The following ZNF782 variants were observed in gnomAD, a reference collection of about 807,000 sequenced individuals.
ZNF782 encodes zinc finger protein 782.
ZNF782 carries 12 observed loss-of-function variants against 13.0 expected under a neutral mutation model. The observed-to-expected ratio is 0.92, with a 90% CI of 0.59 to 1.50. The LOEUF is 1.50. Ranked by LOEUF, ZNF782 falls within the 40% of genes most tolerant of loss-of-function variation. The probability of loss-of-function intolerance (pLI) is 0.00; values close to 1 mark genes in which losing one functional copy is unlikely to be tolerated. For synonymous variants in ZNF782, 284 were observed against 283.0 expected (o/e 1.00, Z -0.04); for missense variants, 770 against 822.9 (o/e 0.94, Z 0.79).
At chr9:96,922,658 CA>C in the ZNF782 span, among the ~76,000 whole-genome samples, 3 of 151,152 alleles carry the variant, frequency 2.0e-5, no homozygotes, top group Admixed American at 2.0e-4. Context: ...CCTGTAGTCC[CA>C]GCTACTCGGG....
intron 4 of ZNF782, among the ~76,000 whole-genome samples, chr9:96,841,229 A>G (rs1219969961): frequency 6.6e-6 from 1 of 151,990 alleles, no homozygotes; most frequent in Non-Finnish European, 1.5e-5. Flanking sequence ...ATCCATATAT[A>G]TGACTTAAAT....
chr9:96,839,002 C>T (rs941567915), intron 4 of ZNF782, among the ~76,000 whole-genome samples: 1 of 152,140 alleles, frequency 6.6e-6, no homozygotes, highest in East Asian at 1.9e-4. Context: ...TCGTGAGCCA[C>T]AGCGCCTGGC....
chr9:96,929,023 G>A, the ZNF782 span: 1 of 1,610,436 alleles, frequency 6.2e-7, no homozygotes, highest in Non-Finnish European at 8.5e-7. Flanking sequence ...CAGCCTGAGG[G>A]GATGGCTTCA....
the ZNF782 span, among the ~76,000 whole-genome samples, chr9:96,881,115 CCT>C: frequency 0.015 from 2,330 of 152,056 alleles, 48 homozygotes; most frequent in African/African-American, 0.044. Flanking sequence ...AGTTAGAACC[CCT>C]GTTTTCTGCC....
At chr9:96,931,041 C>A in the ZNF782 span, among the ~76,000 whole-genome samples, 1 of 151,732 alleles carries the variant, frequency 6.6e-6, no homozygotes, top group Non-Finnish European at 1.5e-5. Flanking sequence ...ATTACAGGCA[C>A]GCATCATCAG....
chr9:96,913,690 T>C, the ZNF782 span, among the ~76,000 whole-genome samples: 3 of 151,796 alleles, frequency 2.0e-5, no homozygotes, highest in African/African-American at 7.3e-5. Flanking sequence ...ACCTAGCTAA[T>C]TTTTGTAATT....
At chr9:96,918,019 C>T in the ZNF782 span, among the ~76,000 whole-genome samples, 5 of 148,598 alleles carry the variant, frequency 3.4e-5, no homozygotes, top group Non-Finnish European at 6.0e-5. Context: ...TGGGATTGTA[C>T]GTATGGGCCA....
the ZNF782 span, among the ~76,000 whole-genome samples, chr9:96,914,451 T>C: frequency 6.6e-6 from 1 of 151,926 alleles, no homozygotes; most frequent in African/African-American, 2.4e-5. Flanking sequence ...AATCCGCACA[T>C]AATTTATGCT....
rs144270837 is a variant in ZNF782, at chr9:96,853,270, G to C, written c.-261-201C>G. Among the ~76,000 whole-genome samples the C allele has an allele frequency of 2.1e-4, 32 of 152,252 alleles. No homozygotes were observed. In the East Asian group the frequency reaches 6.2e-3, roughly 29 times the overall value. On this transcript the variant is annotated intron_variant, in intron 1 of 5. Transcript: ENST00000481138. ...CACCCATTGTGTGGTGGCTTCTGGA[G>C]GCTTCACCAAGTCTGGCTCATTCTG... is the stretch of plus-strand genomic sequence containing the variant.
At chr9:96,879,352 A>G (rs983532331), upstream of ZNF782, among the ~76,000 whole-genome samples, 1 of 152,070 alleles carries the variant, frequency 6.6e-6, no homozygotes, top group Non-Finnish European at 1.5e-5. Flanking sequence ...AACAACAAAA[A>G]ATTAGCCGTG....
chr9:96,867,204 G>A (rs1851766304), intron 1 of ZNF782, among the ~76,000 whole-genome samples: 1 of 152,136 alleles, frequency 6.6e-6, no homozygotes, highest in African/African-American at 2.4e-5. Flanking sequence ...GAATTTCCAC[G>A]TGTTGTGGGA....
At chr9:96,910,908 T>G in the ZNF782 span, among the ~76,000 whole-genome samples, 2 of 150,130 alleles carry the variant, frequency 1.3e-5, 1 homozygote, top group Non-Finnish European at 3.0e-5. Flanking sequence ...AGTGCTGGGA[T>G]TACAGGCGTG....
chr9:96,886,208 G>GAAAAAAAAAAAAAA, the ZNF782 span, among the ~76,000 whole-genome samples: 1 of 88,406 alleles, frequency 1.1e-5, no homozygotes. Context: ...TTTAAGTACA[G>GAAAAAAAAAAAAAA]AAAAAAAAAA....
rs1446232586 is a variant in ZNF782 at position 96,852,883 on chromosome 9, C to T, written c.-75G>A. 1 of 152,622 alleles carries T rather than the reference C, an allele frequency of 6.6e-6. No individual in the cohort carries two copies. The highest frequency in any genetic ancestry group is 1.5e-5 in the Non-Finnish European group (1 of 68,048). 9.5% of individuals were successfully genotyped at this position (152,622 alleles called of 1,614,324 possible). Reference sequence around the variant, plus strand: ...AAAGAATGAACGGAACTGTTTTCCTCCTGGCTCTACCACAAACGAGGGATC... The same window carrying T: ...AAAGAATGAACGGAACTGTTTTCCTTCTGGCTCTACCACAAACGAGGGATC... On this transcript the variant is annotated 5_prime_UTR_variant, in exon 2 of 6. Coordinates refer to ENST00000481138, the MANE Select transcript of ZNF782 (RefSeq NM_001001662.3).
intron 1 of ZNF782, among the ~76,000 whole-genome samples, chr9:96,862,844 T>C (rs1851717663): frequency 6.6e-6 from 1 of 152,248 alleles, no homozygotes; most frequent in Non-Finnish European, 1.5e-5. Flanking sequence ...CACTTAGCTC[T>C]GCTATAATGG....
rs1850228890 is a variant in ZNF782, at chr9:96,818,005, G to C, written c.2018C>G (p.Pro673Arg). The C allele has an allele frequency of 6.2e-7, 1 of 1,613,590 alleles. No homozygotes were observed. Among genetic ancestry groups the C allele is most frequent in the African/African-American group, 1.3e-5 (1 of 74,984 alleles). ...TCTCCCACATTTATCACATTTATAG[G>C]GTTTCTCCCCTGTGTGAGTTCTCTG... The part of the protein sequence containing the change: ...VHQRTHTGEK[P>R]YKCDKCGRTF... Residue 673 changes from proline (P) to arginine (R), a missense_variant, in exon 6 of 6, where the codon CCC (proline) becomes CGC (arginine). Coordinates refer to ENST00000481138, the MANE Select transcript of ZNF782 (RefSeq NM_001001662.3).
upstream of ZNF782, among the ~76,000 whole-genome samples, chr9:96,855,055 A>T (rs1851621750): frequency 6.6e-6 from 1 of 152,204 alleles, no homozygotes; most frequent in South Asian, 2.1e-4. Context: ...TTGACCTGTG[A>T]GCCCTGTCCT....
the ZNF782 span, among the ~76,000 whole-genome samples, chr9:96,885,462 T>A: frequency 6.6e-6 from 1 of 151,622 alleles, no homozygotes; most frequent in African/African-American, 2.4e-5. Context: ...GAAAAAAAGG[T>A]AAGAAAAGAG....
At chr9:96,930,871 GGTTTTTTTTTTTTTTTTTTTTTT>G in the ZNF782 span, among the ~76,000 whole-genome samples, 1 of 104,404 alleles carries the variant, frequency 9.6e-6, no homozygotes, top group African/African-American at 3.7e-5. Flanking sequence ...TCCATCCAGT[GGTTTTTTTTTTTTTTTTTTTTTT>G]TTTTTTTTTT....
Sources: gnomAD v4.1 joint callset for allele counts (sites outside exome capture counted in the v4.1 genomes callset) on GRCh38, gnomAD v4.1.1 for gene constraint, MANE v1.5 for transcripts, NCBI Gene and HGNC (gene_info 2026-07-23, HGNC 2026-07-21) for gene names.